The following FBLN5 variants were observed in gnomAD, a reference collection of about 807,000 sequenced individuals.
The protein encoded by FBLN5 is fibulin 5, also known as fibulin-5.
Under a neutral mutation model 61.6 loss-of-function variants are expected in FBLN5, and 24 were observed. The observed-to-expected ratio is 0.39, with a 90% CI of 0.28 to 0.55. The LOEUF is 0.55. Among genes scored for constraint, FBLN5 ranks in the 20% least tolerant of loss-of-function variants. The probability of loss-of-function intolerance (pLI) is 0.65; values close to 1 mark genes in which losing one functional copy is unlikely to be tolerated. For synonymous variants in FBLN5, 213 were observed against 219.8 expected, an observed-to-expected ratio of 0.97 and a Z score of 0.27; for missense variants, 470 against 594.1, an observed-to-expected ratio of 0.79 and a Z score of 2.17.
chr14:91,935,492 G>A (rs960940554), intron 4 of FBLN5, among the ~76,000 whole-genome samples: 1 of 152,190 alleles, frequency 6.6e-6, no homozygotes, highest in East Asian at 1.9e-4. Flanking sequence ...TGACATCCTG[G>A]AAGAGCAGCA....
chr14:91,915,643 C>T (rs909248417), intron 4 of FBLN5, among the ~76,000 whole-genome samples: 23 of 138,980 alleles, frequency 1.7e-4, no homozygotes, highest in Admixed American at 5.6e-4. Context: ...GCCGATATCA[C>T]GCCACTGCAC....
intron 10 of FBLN5, among the ~76,000 whole-genome samples, chr14:91,871,613 T>C (rs551895709): frequency 1.3e-5 from 2 of 152,202 alleles, no homozygotes; most frequent in South Asian, 4.1e-4. Context: ...ATCCCAGCAT[T>C]TGGGAGGCCG....
At chr14:91,897,640 G>GACTC (rs1890279891) in intron 4 of FBLN5, among the ~76,000 whole-genome samples, 2 of 152,232 alleles carry the variant, frequency 1.3e-5, no homozygotes, top group Non-Finnish European at 2.9e-5. Context: ...GGCCAGGCTG[G>GACTC]ACTCAGAAGG....
chr14:91,946,643 C>T (rs1011678612), intron 1 of FBLN5: 1 of 1,288,852 alleles, frequency 7.8e-7, no homozygotes, highest in Non-Finnish European at 1.1e-6. Context: ...AGGTAAAGTT[C>T]TCCAAGACTT....
chr14:91,929,198 T>C (rs1402288953), intron 4 of FBLN5, among the ~76,000 whole-genome samples: 2 of 152,014 alleles, frequency 1.3e-5, no homozygotes, highest in Admixed American at 1.3e-4. Flanking sequence ...GTATCTTCTA[T>C]GATTTTGAAG....
chr14:91,942,474 G>A lies in FBLN5; in HGVS notation c.72+433C>T, dbSNP rs186775729. ...CATATTTTACTTTTCAACACTGAAG[G>A]TAGGTTGAGGCCTGCTGTGAGGGGC... is the stretch of plus-strand genomic sequence containing the variant. On this transcript the variant is annotated intron_variant, in intron 2 of 10. Transcript: ENST00000342058. 8.3e-3 allele frequency among the ~76,000 whole-genome samples: 1,265 copies of A among 152,364 alleles called. 13 individuals carry two copies. Among genetic ancestry groups the A allele is most frequent in the Non-Finnish European group, 0.012 (797 of 68,040 alleles).
chr14:91,924,095 C>T (rs757215838), intron 4 of FBLN5, among the ~76,000 whole-genome samples: 2 of 152,174 alleles, frequency 1.3e-5, no homozygotes, highest in Non-Finnish European at 2.9e-5. Context: ...TATTGGAACG[C>T]TAAGCATGTG....
chr14:91,926,365 T>C (rs2055828737), intron 4 of FBLN5, among the ~76,000 whole-genome samples: 1 of 152,074 alleles, frequency 6.6e-6, no homozygotes, highest in African/African-American at 2.4e-5. Context: ...CCACCAGCAC[T>C]TCCCCAGTCC....
chr14:91,947,224 TG>T lies in FBLN5; in HGVS notation c.5del (p.Pro2GlnfsTer3). M[P>X]GIKRILTVTI... ...CGCCGAGAACCCACCTTTTTATTCC[TG>T]GCATGTCCAAGACGCGCGAGGAGGA... On this transcript the variant is annotated frameshift_variant, in exon 1 of 11. Transcript: ENST00000342058. LOFTEE classifies it high-confidence loss of function. This position sits in a 1 kb window ranked among gnomAD's most constrained non-coding sequence, Gnocchi z 4.3. 1.2e-6 allele frequency: 2 copies of T among 1,614,174 alleles called. No individual in the cohort carries two copies. Among genetic ancestry groups the T allele is most frequent in the Non-Finnish European group, 1.7e-6 (2 of 1,180,028 alleles).
At chr14:91,927,207 C>T (rs60014967) in intron 4 of FBLN5, among the ~76,000 whole-genome samples, 5,508 of 152,274 alleles carry the variant, frequency 0.036, 241 homozygotes, top group African/African-American at 0.094. Flanking sequence ...CCCACTCAGG[C>T]ACACACTCTC....
At chr14:91,887,128 T>TTGCCCTTCAACCCC (rs1331914840) in intron 7 of FBLN5, 65 bp downstream of exon 7, 1 of 1,581,044 alleles carries the variant, frequency 6.3e-7, no homozygotes, top group African/African-American at 1.3e-5. Context: ...AAGGAAGCCC[T>TTGCCCTTCAACCCC]TGCCCTTCAA....
At chr14:91,925,757 A>C (rs2055817346) in intron 4 of FBLN5, among the ~76,000 whole-genome samples, 1 of 152,242 alleles carries the variant, frequency 6.6e-6, no homozygotes, top group African/African-American at 2.4e-5. Flanking sequence ...TTAGCCCGTC[A>C]GTGCTTCTGT....
intron 7 of FBLN5, among the ~76,000 whole-genome samples, chr14:91,884,594 A>G (rs561048937): frequency 6.6e-6 from 1 of 152,352 alleles, no homozygotes; most frequent in South Asian, 2.1e-4. Context: ...AGCTGACTTG[A>G]CCAAGTTCAC....
chr14:91,877,403 C>T (rs1273373696), intron 10 of FBLN5, 84 bp downstream of exon 10: 45 of 1,157,056 alleles, frequency 3.9e-5, no homozygotes, highest in South Asian at 3.3e-4. Context: ...CCCACTCTTA[C>T]CTGCTTGCAT....
chr14:91,902,290 T>C (rs573598293), intron 4 of FBLN5, among the ~76,000 whole-genome samples: 1 of 151,654 alleles, frequency 6.6e-6, no homozygotes, highest in Non-Finnish European at 1.5e-5. Flanking sequence ...TGTTTTTTTT[T>C]TTTTTTTTTC....
Position 91,887,196 on chromosome 14 carries a change from T to C in FBLN5, c.736A>G (p.Ser246Gly), listed in dbSNP as rs1595301612. ...TTCCAATGCGAAAGCCCATTACCAC[T>C]GCAATGAACGCCATCTTCCTCAAGT... The part of the protein sequence containing the change: ...YELEEDGVHC[S>G]DMDECSFSEF... The change falls in exon 7 of 11, where the codon AGT becomes GGT. Residue 246 changes from serine (S) to glycine (G), a missense_variant. Ser to Gly is a moderately conservative substitution (Grantham distance 56). Coordinates refer to ENST00000342058, the MANE Select transcript of FBLN5 (RefSeq NM_006329.4). The C allele has an allele frequency of 2.5e-6, 4 of 1,613,636 alleles. No individual in the cohort carries two copies. The African/African-American group carries it at 5.3e-5, about 22-fold the overall frequency.
chr14:91,947,335 C>A lies in FBLN5; in HGVS notation c.-106G>T, dbSNP rs926067473. 2.5e-5 allele frequency: 34 copies of A among 1,361,544 alleles called. No homozygotes were observed. The highest frequency in any genetic ancestry group is 3.3e-5 in the Non-Finnish European group (32 of 957,684). 84.3% of individuals were successfully genotyped at this position (1,361,544 alleles called of 1,614,324 possible). ...GCCTCCTCTGGGCCCTCGGGGCTCG[C>A]GGGTGTTTTATTCCAGAGGGGCCGA... On this transcript the variant is annotated 5_prime_UTR_variant, in exon 1 of 11. Transcript: ENST00000342058. The surrounding 1 kb of genome is among the most constrained non-coding windows in gnomAD (Gnocchi z 4.3).
At chr14:91,903,897 C>T (rs1368487272) in intron 4 of FBLN5, among the ~76,000 whole-genome samples, 2 of 152,202 alleles carry the variant, frequency 1.3e-5, no homozygotes, top group Non-Finnish European at 1.5e-5. Flanking sequence ...AGTTGTCTGG[C>T]AGCTCCAATC....
Position 91,937,331 on chromosome 14 carries a change from G to C in FBLN5, c.125-130C>G, listed in dbSNP as rs556839719. On this transcript the variant is annotated intron_variant, in intron 3 of 10. Transcript: ENST00000342058. ...ACACCTAGGGTGGTCCCAACTCATC[G>C]CGGTAAGGTACCCCAAATGTTGGCT... The C allele has an allele frequency of 9.9e-5, 117 of 1,181,424 alleles. 1 individual carries two copies. The Middle Eastern group carries it at 2.6e-3, about 27-fold the overall frequency. 73.2% of individuals were successfully genotyped at this position (1,181,424 alleles called of 1,614,324 possible).
Sources: allele counts gnomAD v4.1 joint callset (sites outside exome capture counted in the v4.1 genomes callset), GRCh38; gene constraint gnomAD v4.1.1; non-coding constraint Gnocchi (gnomAD v3.1); transcripts MANE v1.5; gene names NCBI Gene and HGNC (gene_info 2026-07-23, HGNC 2026-07-21).